CCDC171: variants seen among roughly 807,000 people sequenced by gnomAD.
CCDC171 encodes coiled-coil domain containing 171, also known as coiled-coil domain-containing protein 171.
A neutral mutation model predicts 168.2 loss-of-function variants in CCDC171; 177 were observed. The ratio of observed to expected loss-of-function variants is 1.05; its 90% confidence interval spans 0.93 to 1.19. The LOEUF is 1.19. Among genes scored for constraint, CCDC171 ranks in the 50% most tolerant of loss-of-function variants. The pLI, the probability that CCDC171 is intolerant of heterozygous loss-of-function variation, is 0.00. For missense variants in CCDC171, 1,991 were observed against 1,539.0 expected (o/e 1.29, Z -4.91); for synonymous variants, 687 against 540.8 (o/e 1.27, Z -3.75).
intron 24 of CCDC171, among the ~76,000 whole-genome samples, chr9:15,899,189 G>C (rs868718743): frequency 2.6e-5 from 4 of 152,054 alleles, no homozygotes; most frequent in African/African-American, 9.7e-5. Context: ...GTTTATTGGT[G>C]ACTTGTTTTC....
At chr9:15,934,839 C>T (rs980283672) in intron 25 of CCDC171, among the ~76,000 whole-genome samples, 2 of 152,042 alleles carry the variant, frequency 1.3e-5, no homozygotes, top group Non-Finnish European at 2.9e-5. Flanking sequence ...AGGGAAGAAG[C>T]ACTGATACGT....
intron 25 of CCDC171, among the ~76,000 whole-genome samples, chr9:15,929,911 T>A (rs1002409575): frequency 1.3e-5 from 2 of 151,822 alleles, no homozygotes; most frequent in African/African-American, 4.8e-5. Flanking sequence ...ATATTCTGAC[T>A]CCTTCTGGTT....
chr9:15,646,108 A>G (rs963350299), intron 7 of CCDC171, among the ~76,000 whole-genome samples: 1 of 152,236 alleles, frequency 6.6e-6, no homozygotes, highest in Non-Finnish European at 1.5e-5. Context: ...TGCTTAAAGA[A>G]AAGAATTTTC....
intron 3 of CCDC171, 69 bp downstream of exon 3, chr9:15,571,828 A>G: frequency 7.2e-7 from 1 of 1,379,786 alleles, no homozygotes; most frequent in Non-Finnish European, 9.9e-7. Flanking sequence ...TTTCATATGA[A>G]AAACTCCATG....
At chr9:16,044,033 A>T (rs994030824) in intron 1 of CCDC171, among the ~76,000 whole-genome samples, 6 of 152,230 alleles carry the variant, frequency 3.9e-5, no homozygotes, top group African/African-American at 1.4e-4. Flanking sequence ...ACAGCATTTG[A>T]TTGGGAAGAG....
At chr9:16,016,480 A>C (rs1013614754) in intron 3 of CCDC171, among the ~76,000 whole-genome samples, 2 of 152,150 alleles carry the variant, frequency 1.3e-5, no homozygotes, top group African/African-American at 2.4e-5. Context: ...GCTGCTGACA[A>C]CTCACAGGGG....
chr9:15,622,226 C>T (rs904772553), intron 6 of CCDC171, among the ~76,000 whole-genome samples: 3 of 151,946 alleles, frequency 2.0e-5, no homozygotes, highest in African/African-American at 7.3e-5. Flanking sequence ...ACAACACATC[C>T]CTGTGACATG....
At chr9:15,959,742 A>C (rs1212609533) in intron 25 of CCDC171, among the ~76,000 whole-genome samples, 1 of 152,102 alleles carries the variant, frequency 6.6e-6, no homozygotes, top group Non-Finnish European at 1.5e-5. Context: ...GCACCCAGAG[A>C]AGGAGATGTG....
intron 3 of CCDC171, among the ~76,000 whole-genome samples, chr9:15,993,647 G>A (rs1008237667): frequency 2.0e-5 from 3 of 152,170 alleles, no homozygotes; most frequent in East Asian, 1.9e-4. Context: ...TACCATCAGC[G>A]TGAACAGGCA....
chr9:16,095,794 G>A, the CCDC171 span, among the ~76,000 whole-genome samples: 4 of 149,126 alleles, frequency 2.7e-5, no homozygotes, highest in African/African-American at 9.9e-5. Context: ...TACTTCATAG[G>A]GCTATTTCGG....
chr9:15,655,162 C>T (rs1365751733), intron 7 of CCDC171, among the ~76,000 whole-genome samples: 1 of 111,390 alleles, frequency 9.0e-6, no homozygotes, highest in Non-Finnish European at 1.8e-5. Flanking sequence ...TTCACATGCA[C>T]CCTCAAACTT....
At chr9:16,040,545 C>A (rs1265615038), upstream of CCDC171, among the ~76,000 whole-genome samples, 1 of 152,128 alleles carries the variant, frequency 6.6e-6, no homozygotes, top group Non-Finnish European at 1.5e-5. Context: ...ATTGTTTGTG[C>A]CCAGTGGTGC....
chr9:15,639,827 C>A (rs1255243555), intron 7 of CCDC171, among the ~76,000 whole-genome samples: 1 of 152,128 alleles, frequency 6.6e-6, no homozygotes, highest in African/African-American at 2.4e-5. Flanking sequence ...TTCTGGAAAA[C>A]AAATATGTTT....
rs147924345 is a variant in CCDC171 at position 15,862,097 on chromosome 9, C to T, written c.3469-12435C>T. 4.0e-5 allele frequency among the ~76,000 whole-genome samples: 6 copies of T among 151,352 alleles called. No individual in the cohort carries two copies. In the East Asian group the frequency reaches 1.2e-3, roughly 29 times the overall value. ...CTTGCAAAGTTTGAGCTGAAAAAGT[C>T]AATTGATAGTTTAATAGGGATTCCC... On this transcript the variant is annotated intron_variant, in intron 23 of 25. Transcript: ENST00000380701.
chr9:15,801,418 T>C (rs2058814612), intron 21 of CCDC171, among the ~76,000 whole-genome samples: 1 of 152,064 alleles, frequency 6.6e-6, no homozygotes, highest in Admixed American at 6.6e-5. Context: ...TTTCAGATTG[T>C]TTACTTTAGG....
At chr9:16,060,488 G>A (rs143855926) in intron 1 of CCDC171, among the ~76,000 whole-genome samples, 36 of 152,366 alleles carry the variant, frequency 2.4e-4, no homozygotes, top group African/African-American at 8.7e-4. Flanking sequence ...TTGCTGCCAA[G>A]CAGGGGTGGT....
intron 24 of CCDC171, among the ~76,000 whole-genome samples, chr9:15,914,309 C>T (rs991466774): frequency 1.3e-5 from 2 of 152,178 alleles, no homozygotes; most frequent in African/African-American, 4.8e-5. Flanking sequence ...AAGCCCCTCA[C>T]TGGGGCTGCT....
At chr9:15,563,859 A>G (rs2039510829) in intron 1 of CCDC171, 119 bp from the exon 2 acceptor site, 4 of 476,544 alleles carry the variant, frequency 8.4e-6, no homozygotes, top group Non-Finnish European at 1.5e-5. Flanking sequence ...AGATATCTCT[A>G]TACACCTACA....
chr9:15,742,611 A>T (rs1052114708), intron 16 of CCDC171, among the ~76,000 whole-genome samples: 6 of 152,140 alleles, frequency 3.9e-5, no homozygotes, highest in South Asian at 2.1e-4. Context: ...GTGGGCCACC[A>T]CTTGCTTTAC....
Sources: gnomAD v4.1 joint callset for allele counts (sites outside exome capture counted in the v4.1 genomes callset) on GRCh38, gnomAD v4.1.1 for gene constraint, MANE v1.5 for transcripts, NCBI Gene and HGNC (gene_info 2026-07-23, HGNC 2026-07-21) for gene names.